RNF150: variants seen among roughly 807,000 people sequenced by gnomAD.
RNF150 encodes the protein ring finger protein 150.
A neutral mutation model predicts 39.3 loss-of-function variants in RNF150; 24 were observed. The ratio of observed to expected loss-of-function variants is 0.61; its 90% CI spans 0.44 to 0.86. The LOEUF is 0.86. RNF150 is among the 40% of genes least tolerant of loss of function. The pLI, the probability that RNF150 is intolerant of heterozygous loss-of-function variation, is 0.00. For missense variants in RNF150, 502 were observed against 587.8 expected (o/e 0.85, Z 1.51); for synonymous variants, 255 against 227.3 (o/e 1.12, Z -1.10).
intron 6 of RNF150, among the ~76,000 whole-genome samples, chr4:140,894,819 G>A (rs1226567651): frequency 2.6e-5 from 4 of 152,096 alleles, no homozygotes; most frequent in Non-Finnish European, 5.9e-5. Context: ...AGACTATGTC[G>A]GCAGTTTCCT....
chr4:141,203,087 A>G (rs1464049279), intron 1 of RNF150, among the ~76,000 whole-genome samples: 1 of 148,164 alleles, frequency 6.7e-6, no homozygotes, highest in Non-Finnish European at 1.5e-5. Flanking sequence ...ACACACATAT[A>G]TGAGATATAT....
At chr4:141,117,441 T>C (rs1165404594) in intron 1 of RNF150, among the ~76,000 whole-genome samples, 1 of 152,186 alleles carries the variant, frequency 6.6e-6, no homozygotes, top group African/African-American at 2.4e-5. Context: ...AGAAACATGT[T>C]GTACAGGTGT....
chr4:140,988,991 C>T (rs529345071), intron 1 of RNF150, among the ~76,000 whole-genome samples: 17 of 151,604 alleles, frequency 1.1e-4, no homozygotes, highest in Non-Finnish European at 1.3e-4. Context: ...CATCACACAC[C>T]GGGTAGTTTT....
chr4:140,918,794 C>A (rs1730968237), intron 5 of RNF150, among the ~76,000 whole-genome samples: 1 of 152,140 alleles, frequency 6.6e-6, no homozygotes, highest in African/African-American at 2.4e-5. Context: ...CAATAAAATA[C>A]TGGCAAACCA....
chr4:141,024,584 C>A (rs1219163952), intron 1 of RNF150, among the ~76,000 whole-genome samples: 2 of 152,038 alleles, frequency 1.3e-5, no homozygotes, highest in Non-Finnish European at 2.9e-5. Flanking sequence ...GTATTCTGAG[C>A]AAGAATAAGC....
intron 1 of RNF150, among the ~76,000 whole-genome samples, chr4:141,188,026 T>G (rs1728043642): frequency 6.6e-6 from 1 of 152,228 alleles, no homozygotes; most frequent in African/African-American, 2.4e-5. Context: ...TCCAGAGCTC[T>G]TGTAAGGCAA....
intron 5 of RNF150, among the ~76,000 whole-genome samples, chr4:140,922,157 T>C (rs974091404): frequency 3.1e-4 from 47 of 151,706 alleles, no homozygotes; most frequent in Admixed American, 5.3e-4. Context: ...GGTATTCAAT[T>C]AGGAAAAGAG....
intron 6 of RNF150, among the ~76,000 whole-genome samples, chr4:140,906,937 T>TCG (rs1730400059): frequency 6.6e-6 from 1 of 152,136 alleles, no homozygotes; most frequent in South Asian, 2.1e-4. Flanking sequence ...AACAATCTCC[T>TCG]TGAAAAATCA....
intron 1 of RNF150, among the ~76,000 whole-genome samples, chr4:141,106,358 C>G (rs1739207921): frequency 6.6e-6 from 1 of 152,136 alleles, no homozygotes; most frequent in African/African-American, 2.4e-5. Context: ...GATTAACAAC[C>G]ACTAAGTAAA....
intron 4 of RNF150, among the ~76,000 whole-genome samples, chr4:140,947,044 T>C (rs567346761): frequency 7.0e-4 from 106 of 152,250 alleles, no homozygotes; most frequent in Non-Finnish European, 1.3e-3. Flanking sequence ...GAATTTCAAT[T>C]AGGGAGAGGG....
intron 5 of RNF150, among the ~76,000 whole-genome samples, chr4:140,925,151 A>G (rs1451180327): frequency 6.6e-6 from 1 of 152,208 alleles, no homozygotes; most frequent in Non-Finnish European, 1.5e-5. Context: ...ACTTCTACAC[A>G]GCACCGTATG....
intron 1 of RNF150, among the ~76,000 whole-genome samples, chr4:141,197,312 ATTAC>A (rs1335783915): frequency 8.5e-5 from 13 of 152,170 alleles, no homozygotes; most frequent in Admixed American, 2.6e-4. Flanking sequence ...TAGGTACATA[ATTAC>A]TTAATTTTGA....
intron 1 of RNF150, among the ~76,000 whole-genome samples, chr4:141,049,102 A>C (rs756114296): frequency 9.2e-5 from 14 of 152,200 alleles, no homozygotes; most frequent in Non-Finnish European, 1.9e-4. Flanking sequence ...AAAGTGCTTT[A>C]GTAATAGAAA....
At chr4:141,120,703 TG>T (rs1455246038) in intron 1 of RNF150, among the ~76,000 whole-genome samples, 2 of 152,028 alleles carry the variant, frequency 1.3e-5, no homozygotes, top group Non-Finnish European at 2.9e-5. Flanking sequence ...CATGATGGGC[TG>T]GGAAGTAGTA....
At chr4:141,094,081 G>T (rs186198886) in intron 1 of RNF150, among the ~76,000 whole-genome samples, 123 of 152,254 alleles carry the variant, frequency 8.1e-4, no homozygotes, top group Non-Finnish European at 1.6e-3. Flanking sequence ...TATAGCACAA[G>T]AATGCAGAGA....
At chr4:141,136,292 T>C (rs917908471), upstream of RNF150, among the ~76,000 whole-genome samples, 1 of 152,178 alleles carries the variant, frequency 6.6e-6, no homozygotes, top group African/African-American at 2.4e-5. Context: ...TGGGGGGCTA[T>C]GTACATTGAA....
chr4:141,162,416 C>A (rs543620816), intron 1 of RNF150, among the ~76,000 whole-genome samples: 1 of 152,040 alleles, frequency 6.6e-6, no homozygotes, highest in African/African-American at 2.4e-5. Flanking sequence ...TTTGATTTTG[C>A]AGGTTCATAG....
intron 4 of RNF150, among the ~76,000 whole-genome samples, chr4:140,939,606 TTGTG>T (rs142516967): frequency 0.011 from 1,480 of 138,512 alleles, 6 homozygotes; most frequent in African/African-American, 0.027. Context: ...CAAGTGGAGT[TTGTG>T]TGTGTGTGTG....
rs894489768 is a variant in RNF150, at chr4:140,950,372, A to C, written c.736-1000T>G. Reference sequence around the variant, plus strand: ...AGTGAACACATATTAGTGAACAGTTAATATATCCTAGGTGCCATGCTAAAG... The same window carrying C: ...AGTGAACACATATTAGTGAACAGTTCATATATCCTAGGTGCCATGCTAAAG... On this transcript the variant is annotated intron_variant, in intron 2 of 6. Coordinates refer to ENST00000515673, the MANE Select transcript of RNF150 (RefSeq NM_020724.2). Among the ~76,000 whole-genome samples the C allele has an allele frequency of 1.5e-4, 23 of 152,362 alleles. 1 individual carries two copies. The highest frequency in any genetic ancestry group is 5.3e-4 in the African/African-American group (22 of 41,582).
Sources: allele counts gnomAD v4.1 joint callset (sites outside exome capture counted in the v4.1 genomes callset), GRCh38; gene constraint gnomAD v4.1.1; transcripts MANE v1.5; gene names NCBI Gene and HGNC (gene_info 2026-07-23, HGNC 2026-07-21).